The following RFX3 variants were observed in gnomAD, a reference collection of about 807,000 sequenced individuals.
RFX3 encodes the protein regulatory factor X3.
A neutral mutation model predicts 98.6 loss-of-function variants in RFX3; 14 were observed. That is an observed-to-expected ratio of 0.14 (90% CI 0.09 to 0.22). The LOEUF is 0.22. Ranked by LOEUF, RFX3 falls within the 10% of genes least tolerant of loss-of-function variation. The pLI is 1.00. For missense variants in RFX3, 639 were observed against 926.9 expected (o/e 0.69, Z 4.03); for synonymous variants, 383 against 328.4 (o/e 1.17, Z -1.80).
chr9:3,495,620 C>A (rs994318449), intron 1 of RFX3, among the ~76,000 whole-genome samples: 1 of 152,006 alleles, frequency 6.6e-6, no homozygotes, highest in South Asian at 2.1e-4. Flanking sequence ...ACTGTATCTG[C>A]GTAACTATAT....
At chr9:3,291,707 G>C (rs998305246) in intron 6 of RFX3, among the ~76,000 whole-genome samples, 2 of 152,022 alleles carry the variant, frequency 1.3e-5, no homozygotes, top group East Asian at 1.9e-4. Context: ...GTGAGAAAAA[G>C]ATCAATCTTT....
At chr9:3,340,561 AAAAC>A (rs1482610157) in intron 3 of RFX3, among the ~76,000 whole-genome samples, 7 of 152,202 alleles carry the variant, frequency 4.6e-5, no homozygotes, top group African/African-American at 1.7e-4. Context: ...TTACAAGAAA[AAAAC>A]AAACAACCCC....
Position 3,262,958 on chromosome 9 carries a change from G to A in RFX3, c.1582C>T (p.Arg528Cys). ...ACCTGGACATTGGCAAAGTCGACAC[G>A]GTTGAGGTCACTAAGCATCTGGTTG... ...QINQMLSDLN[R>C]VDFANVQEQA... is the part of the protein sequence containing the mutation. Residue 528 changes from arginine (R) to cysteine (C), a missense_variant, in exon 13 of 17, where the codon CGT (arginine) becomes TGT (cysteine). This residue lies in a region of RFX3 where 138 missense variants were observed against 308.9 expected (regional missense o/e 0.45). Coordinates refer to ENST00000617270, the MANE Select transcript of RFX3 (RefSeq NM_001282116.2). 6.2e-7 allele frequency: 1 copy of A among 1,613,724 alleles called. No individual in the cohort carries two copies. Among genetic ancestry groups the A allele is most frequent in the Non-Finnish European group, 8.5e-7 (1 of 1,179,720 alleles).
At chr9:3,501,126 C>T (rs1815954083) in intron 1 of RFX3, among the ~76,000 whole-genome samples, 2 of 152,124 alleles carry the variant, frequency 1.3e-5, no homozygotes, top group Non-Finnish European at 2.9e-5. Context: ...ATAACATATT[C>T]CACCATGCAA....
At chr9:3,461,182 A>T (rs1847654812) in intron 1 of RFX3, among the ~76,000 whole-genome samples, 1 of 151,898 alleles carries the variant, frequency 6.6e-6, no homozygotes, top group South Asian at 2.1e-4. Context: ...TAAAATTCTA[A>T]TATTTTTAAA....
intron 2 of RFX3, among the ~76,000 whole-genome samples, chr9:3,366,750 CTTTT>C (rs1431078511): frequency 6.5e-5 from 5 of 77,222 alleles, no homozygotes; most frequent in East Asian, 6.3e-4. Context: ...TTCTTTCTTT[CTTTT>C]TGGCTATTCT....
chr9:3,477,418 AAT>A (rs1285164779), intron 1 of RFX3, among the ~76,000 whole-genome samples: 53 of 152,150 alleles, frequency 3.5e-4, no homozygotes, highest in Non-Finnish European at 1.6e-4. Flanking sequence ...GAAACGTCTT[AAT>A]TTCACTTTCA....
At chr9:3,316,068 AT>A (rs1830551840) in intron 4 of RFX3, among the ~76,000 whole-genome samples, 1 of 152,118 alleles carries the variant, frequency 6.6e-6, no homozygotes, top group Non-Finnish European at 1.5e-5. Flanking sequence ...CAGGGACACA[AT>A]AAAAAAAAAG....
intron 15 of RFX3, among the ~76,000 whole-genome samples, chr9:3,245,341 G>T (rs1024215032): frequency 1.3e-5 from 2 of 152,302 alleles, no homozygotes; most frequent in East Asian, 1.9e-4. Flanking sequence ...CTTAGTGAAT[G>T]AGAACAGAGA....
At chr9:3,306,678 C>A (rs1165251522) in intron 4 of RFX3, among the ~76,000 whole-genome samples, 1 of 150,938 alleles carries the variant, frequency 6.6e-6, no homozygotes, top group Non-Finnish European at 1.5e-5. Flanking sequence ...TGCAGCACAC[C>A]AACATGGCAC....
intron 1 of RFX3, among the ~76,000 whole-genome samples, chr9:3,436,513 A>G (rs1057183237): frequency 3.9e-5 from 6 of 152,102 alleles, no homozygotes; most frequent in Non-Finnish European, 8.8e-5. Context: ...TTTATGTCAA[A>G]ACTAATATAC....
chr9:3,293,451 T>A (rs1036826739), intron 5 of RFX3, among the ~76,000 whole-genome samples, 193 bp from the exon 6 acceptor site: 1 of 152,122 alleles, frequency 6.6e-6, no homozygotes, highest in African/African-American at 2.4e-5. Context: ...TAGCTGAACA[T>A]CACTAAGGAT....
chr9:3,344,173 G>C (rs1008366893), intron 3 of RFX3, among the ~76,000 whole-genome samples: 1 of 152,068 alleles, frequency 6.6e-6, no homozygotes, highest in Admixed American at 6.6e-5. Context: ...CAAATAATGA[G>C]TGCATAATTT....
intron 1 of RFX3, among the ~76,000 whole-genome samples, chr9:3,425,260 T>C (rs1334547947): frequency 6.6e-6 from 1 of 152,214 alleles, no homozygotes; most frequent in Non-Finnish European, 1.5e-5. Context: ...AAAATTTGTT[T>C]TTGTTTAATG....
intron 1 of RFX3, among the ~76,000 whole-genome samples, chr9:3,426,218 ATTT>A (rs200604658): frequency 0.014 from 2,142 of 152,094 alleles, 31 homozygotes; most frequent in South Asian, 0.026. Context: ...TAAATGAGTG[ATTT>A]TTTTAACTGA....
chr9:3,233,148 A>G (rs1252986742), intron 15 of RFX3, among the ~76,000 whole-genome samples: 4 of 152,238 alleles, frequency 2.6e-5, no homozygotes, highest in African/African-American at 9.6e-5. Flanking sequence ...TGGGAAATGC[A>G]TGCTCCAGGC....
At chr9:3,354,204 A>T (rs1254298056) in intron 2 of RFX3, among the ~76,000 whole-genome samples, 1 of 152,040 alleles carries the variant, frequency 6.6e-6, no homozygotes, top group African/African-American at 2.4e-5. Flanking sequence ...ACAGAGAAGT[A>T]ACAGAAAACA....
Position 3,257,168 on chromosome 9 carries a change from T to C in RFX3, c.1637A>G (p.Asp546Gly). 2 of 1,613,906 alleles carry C rather than the reference T, an allele frequency of 1.2e-6. No individual in the cohort carries two copies. Among genetic ancestry groups the C allele is most frequent in the Non-Finnish European group, 1.7e-6 (2 of 1,179,968 alleles). ...EQASWVCQCDDNMVQRLETDF... is the reference protein window; with the variant it reads ...EQASWVCQCDGNMVQRLETDF... Reference sequence around the variant, plus strand: ...TGTTTCTAGTCTCTGAACCATGTTGTCATCACACTGGCACACCCAGGAAGC... The same window carrying C: ...TGTTTCTAGTCTCTGAACCATGTTGCCATCACACTGGCACACCCAGGAAGC... The change falls in exon 14 of 17, where the codon GAC becomes GGC. Residue 546 changes from aspartate (D) to glycine (G), a missense_variant. By Grantham distance (94) the Asp-to-Gly change is moderately conservative. This residue lies in a region of RFX3 where 138 missense variants were observed against 308.9 expected (regional missense o/e 0.45). Coordinates refer to ENST00000617270, the MANE Select transcript of RFX3 (RefSeq NM_001282116.2).
At chr9:3,227,714 A>G (rs1285804732) in intron 16 of RFX3, among the ~76,000 whole-genome samples, 1 of 152,208 alleles carries the variant, frequency 6.6e-6, no homozygotes, top group Non-Finnish European at 1.5e-5. Flanking sequence ...ACGGATATCA[A>G]TTACCACCTT....
Sources: gnomAD v4.1 joint callset for allele counts (sites outside exome capture counted in the v4.1 genomes callset) on GRCh38, gnomAD v4.1.1 for gene constraint, gnomAD v4.1.1 regional missense constraint, MANE v1.5 for transcripts, NCBI Gene and HGNC (gene_info 2026-07-23, HGNC 2026-07-21) for gene names.